Variants in RBFOX1 observed in about 807,000 individuals in gnomAD.
RBFOX1 encodes RNA binding fox-1 homolog 1.
RBFOX1 carries 8 observed loss-of-function variants against 57.7 expected under a neutral mutation model. That is an observed-to-expected ratio of 0.14 (90% CI 0.08 to 0.25). The LOEUF is 0.25. RBFOX1 is among the 10% of genes least tolerant of loss of function. The pLI is 1.00. For missense variants in RBFOX1, 611 were observed against 548.5 expected, an observed-to-expected ratio of 1.11 and a Z score of -1.14; for synonymous variants, 326 against 222.4, an observed-to-expected ratio of 1.47 and a Z score of -4.15.
intron 3 of RBFOX1, among the ~76,000 whole-genome samples, chr16:6,666,131 G>A (rs151331416): frequency 3.3e-5 from 5 of 151,668 alleles, no homozygotes; most frequent in East Asian, 3.9e-4. Flanking sequence ...AGACCTGCCA[G>A]CCACATGGAA....
At chr16:6,979,331 G>C (rs1156240191) in intron 3 of RBFOX1, among the ~76,000 whole-genome samples, 1 of 152,116 alleles carries the variant, frequency 6.6e-6, no homozygotes. Context: ...TCAGTTGAGG[G>C]TAGCTATTAG....
chr16:7,207,617 C>G (rs1030907005), intron 4 of RBFOX1, among the ~76,000 whole-genome samples: 1 of 152,194 alleles, frequency 6.6e-6, no homozygotes. Context: ...AAACAGTGCT[C>G]CTTGCTGAGA....
intron 3 of RBFOX1, among the ~76,000 whole-genome samples, chr16:6,767,947 TAAGAAGAAGAAGAAGAAGAAG>T (rs71145291): frequency 2.0e-5 from 2 of 101,048 alleles, no homozygotes; most frequent in Non-Finnish European, 1.9e-5. Context: ...ATAATAATAA[TAAGAAGAAGAAGAAGAAGAAG>T]AAGAAGAAGA....
At chr16:6,945,880 G>C (rs969985154) in intron 3 of RBFOX1, among the ~76,000 whole-genome samples, 3 of 152,178 alleles carry the variant, frequency 2.0e-5, no homozygotes, top group African/African-American at 7.2e-5. Context: ...GACAGAGCAA[G>C]ACTCTCGTCC....
Position 6,052,877 on chromosome 16 carries a change from G to A in RBFOX1, c.-127+32885G>A, listed in dbSNP as rs1198998490. On this transcript the variant is annotated intron_variant, in intron 1 of 15. Coordinates refer to ENST00000550418, the MANE Select transcript of RBFOX1 (RefSeq NM_018723.4). ...CTGGGGTTGTGCAGGTATTAGATGA[G>A]ATCGCTCAAGTAAAATCCCTAGGAG... Among the ~76,000 whole-genome samples, 13 of 151,066 alleles carry A rather than the reference G, an allele frequency of 8.6e-5. 1 individual carries two copies. The highest frequency in any genetic ancestry group is 2.9e-4 in the African/African-American group (12 of 41,150).
intron 2 of RBFOX1, among the ~76,000 whole-genome samples, chr16:6,599,919 G>A (rs1026547011): frequency 6.6e-6 from 1 of 152,198 alleles, no homozygotes; most frequent in Middle Eastern, 3.2e-3. Flanking sequence ...GTGGTACAAA[G>A]TGTTAACCCA....
intron 3 of RBFOX1, among the ~76,000 whole-genome samples, chr16:6,903,715 A>C (rs76620552): frequency 0.024 from 3,686 of 152,196 alleles, 132 homozygotes; most frequent in African/African-American, 0.083. Context: ...CAGAGCAAGC[A>C]CTGGGAGGGA....
At chr16:6,176,068 A>G (rs956032515) in intron 1 of RBFOX1, among the ~76,000 whole-genome samples, 10 of 152,162 alleles carry the variant, frequency 6.6e-5, no homozygotes, top group Non-Finnish European at 4.4e-5. Flanking sequence ...TATTGGTTTC[A>G]TAGTGATGGG....
At chr16:7,676,890 G>T (rs369275155) in intron 14 of RBFOX1, 52 bp downstream of exon 14, 1 of 1,513,080 alleles carries the variant, frequency 6.6e-7, no homozygotes, top group African/African-American at 1.4e-5. Context: ...TAACTTAGTT[G>T]ATGGGAGAGG....
chr16:6,779,765 A>T (rs545047852), intron 3 of RBFOX1, among the ~76,000 whole-genome samples: 6 of 7,838 alleles, frequency 7.7e-4, no homozygotes, highest in African/African-American at 4.0e-3. Flanking sequence ...TTATATATTT[A>T]TATATATATT....
chr16:6,252,872 C>A (rs1191825785), intron 1 of RBFOX1, among the ~76,000 whole-genome samples: 2 of 152,082 alleles, frequency 1.3e-5, no homozygotes, highest in Non-Finnish European at 2.9e-5. Flanking sequence ...AGGCACAGCC[C>A]ATCTAGATGG....
chr16:7,118,793 A>G (rs1192584084), intron 4 of RBFOX1, among the ~76,000 whole-genome samples: 1 of 152,174 alleles, frequency 6.6e-6, no homozygotes, highest in Non-Finnish European at 1.5e-5. Flanking sequence ...TAAGGACAGA[A>G]TAGAAGCATT....
chr16:7,512,176 A>C (rs1173982213), intron 4 of RBFOX1, among the ~76,000 whole-genome samples: 1 of 152,224 alleles, frequency 6.6e-6, no homozygotes, highest in Non-Finnish European at 1.5e-5. Context: ...ATGTCTAGCC[A>C]GAATGCTCCA....
At chr16:6,931,742 C>G (rs1184727977) in intron 3 of RBFOX1, among the ~76,000 whole-genome samples, 1 of 152,114 alleles carries the variant, frequency 6.6e-6, no homozygotes, top group Non-Finnish European at 1.5e-5. Context: ...GTGCAGATCT[C>G]TTTGTTGTGA....
intron 1 of RBFOX1, among the ~76,000 whole-genome samples, chr16:6,203,484 T>C (rs1270660809): frequency 6.6e-6 from 1 of 152,190 alleles, no homozygotes; most frequent in African/African-American, 2.4e-5. Context: ...ATCCATTCAT[T>C]GTTGATGGAC....
At chr16:7,078,380 C>G (rs2058627205) in intron 4 of RBFOX1, among the ~76,000 whole-genome samples, 1 of 152,198 alleles carries the variant, frequency 6.6e-6, no homozygotes, top group African/African-American at 2.4e-5. Flanking sequence ...TGGAGTGTCA[C>G]TCTATCATCC....
At position 6,158,899 on chromosome 16, in the gene RBFOX1, G is replaced by C. The variant is rs1437704988; in HGVS notation, c.-127+138907G>C. Reference sequence around the variant, plus strand: ...TTTTCTGACTAGGTGAAATTTCTCTGTCATAGGTTTGTTTTTTTTTTTTGA... The same window carrying C: ...TTTTCTGACTAGGTGAAATTTCTCTCTCATAGGTTTGTTTTTTTTTTTTGA... On this transcript the variant is annotated intron_variant, in intron 1 of 15. Transcript: ENST00000550418. Among the ~76,000 whole-genome samples the C allele has an allele frequency of 4.6e-5, 6 of 129,806 alleles. No individual in the cohort carries two copies. The South Asian group carries it at 8.0e-4, about 17-fold the overall frequency. 85.2% of individuals were successfully genotyped at this position (129,806 alleles called of 152,430 possible). A position where few individuals can be genotyped will look rare whatever the true frequency, so the allele number is the denominator to read the frequency against.
At chr16:7,191,724 T>A (rs953968480) in intron 4 of RBFOX1, among the ~76,000 whole-genome samples, 3 of 152,160 alleles carry the variant, frequency 2.0e-5, no homozygotes, top group Non-Finnish European at 4.4e-5. Flanking sequence ...GAAACAAAAA[T>A]TTTAAAGAAG....
intron 3 of RBFOX1, among the ~76,000 whole-genome samples, chr16:5,670,588 A>G (rs375782039): frequency 2.1e-4 from 32 of 152,348 alleles, no homozygotes; most frequent in African/African-American, 7.7e-4. Flanking sequence ...GGTTTCTGTA[A>G]AAGAGACAAC....
Sources: allele counts gnomAD v4.1 joint callset (sites outside exome capture counted in the v4.1 genomes callset), GRCh38; gene constraint gnomAD v4.1.1; transcripts MANE v1.5; gene names NCBI Gene and HGNC (gene_info 2026-07-23, HGNC 2026-07-21).